Variants in SEL1L3 observed in about 807,000 individuals in gnomAD.
SEL1L3 encodes the protein protein sel-1 homolog 3.
SEL1L3 carries 76 observed loss-of-function variants against 142.8 expected under a neutral mutation model. The ratio of observed to expected loss-of-function variants is 0.53; its 90% confidence interval spans 0.44 to 0.64. The LOEUF is 0.64. Among genes scored for constraint, SEL1L3 ranks in the 30% least tolerant of loss-of-function variants. The pLI is 0.00. For missense variants in SEL1L3, 1,262 were observed against 1,381.7 expected (o/e 0.91, Z 1.37); for synonymous variants, 504 against 519.6 (o/e 0.97, Z 0.41).
chr4:25,847,777 T>G lies in SEL1L3; in HGVS notation c.250A>C (p.Ile84Leu). Reference sequence around the variant, plus strand: ...TTTCCTTCAAAGACAGTAAAATAAATAAAGTCTTTGTAAGCCACGCTCTGC... The same window carrying G: ...TTTCCTTCAAAGACAGTAAAATAAAGAAAGTCTTTGTAAGCCACGCTCTGC... Reference protein sequence around the residue: ...AEQSVAYKDFIYFTVFEGNVR... With the variant: ...AEQSVAYKDFLYFTVFEGNVR... The change falls in exon 2 of 24, where the codon ATT (isoleucine) becomes CTT (leucine). Residue 84 changes from isoleucine to leucine, a missense_variant. By Grantham distance (5) the Ile-to-Leu change is conservative (BLOSUM62 2). Around this residue, in one of 3 missense-constraint regions of SEL1L3, gnomAD observed 689 missense variants for 692.8 expected, o/e 0.99. Coordinates refer to ENST00000399878, the MANE Select transcript of SEL1L3 (RefSeq NM_015187.5). 1 of 1,613,482 alleles carries G rather than the reference T, an allele frequency of 6.2e-7. No homozygotes were observed. The highest frequency in any genetic ancestry group is 8.5e-7 in the Non-Finnish European group (1 of 1,179,734).
chr4:25,778,502 A>C (rs1719787961), intron 16 of SEL1L3, among the ~76,000 whole-genome samples: 1 of 152,212 alleles, frequency 6.6e-6, no homozygotes, highest in African/African-American at 2.4e-5. Flanking sequence ...AGAAAGGAAA[A>C]GTAATCAGAG....
At chr4:25,766,735 T>C (rs916253780) in intron 19 of SEL1L3, among the ~76,000 whole-genome samples, 1 of 152,022 alleles carries the variant, frequency 6.6e-6, no homozygotes, top group African/African-American at 2.4e-5. Context: ...ACCATGGAAA[T>C]GTAGCCACTG....
At chr4:25,777,955 T>A in intron 16 of SEL1L3, 1 of 420,652 alleles carries the variant, frequency 2.4e-6, no homozygotes, top group Admixed American at 2.8e-5. Context: ...CTGTTGCATA[T>A]TCTTCTTTAT....
At chr4:25,811,190 T>A (rs2109239831) in intron 9 of SEL1L3, among the ~76,000 whole-genome samples, 1 of 152,260 alleles carries the variant, frequency 6.6e-6, no homozygotes, top group Admixed American at 6.5e-5. Context: ...AACCTGTATA[T>A]CTCAGCAACT....
At chr4:25,808,388 A>G (rs1713745025) in intron 9 of SEL1L3, among the ~76,000 whole-genome samples, 1 of 152,256 alleles carries the variant, frequency 6.6e-6, no homozygotes, top group East Asian at 1.9e-4. Flanking sequence ...TTTTCACAGT[A>G]ATATCATAAG....
At chr4:25,760,268 T>C (rs62411784) in intron 20 of SEL1L3, among the ~76,000 whole-genome samples, 7,575 of 152,324 alleles carry the variant, frequency 0.05, 222 homozygotes, top group East Asian at 0.11. Flanking sequence ...TTTTTATGGC[T>C]GCATAGTATT....
In SEL1L3 at chr4:25,757,612, A is replaced by G; in HGVS notation, c.3187-6T>C. 1 of 1,554,388 alleles carries G rather than the reference A, an allele frequency of 6.4e-7. No individual in the cohort carries two copies. The highest frequency in any genetic ancestry group is 8.7e-7 in the Non-Finnish European group (1 of 1,148,506). On this transcript the variant is annotated splice_polypyrimidine_tract_variant and splice_region_variant and intron_variant, in intron 22 of 23. Coordinates refer to ENST00000399878, the MANE Select transcript of SEL1L3 (RefSeq NM_015187.5). ...AAGGTTCCCAGAAAGTAGATCTGCAAACATCAGAAGCACGCATTAGTGACT... is the reference window on the plus strand; with the variant it reads ...AAGGTTCCCAGAAAGTAGATCTGCAGACATCAGAAGCACGCATTAGTGACT...
At chr4:25,799,036 C>T (rs1712991964) in intron 11 of SEL1L3, among the ~76,000 whole-genome samples, 1 of 152,098 alleles carries the variant, frequency 6.6e-6, no homozygotes, top group African/African-American at 2.4e-5. Flanking sequence ...TTTCTGCATC[C>T]TCATGTGGTC....
chr4:25,770,250 T>C (rs567126663), intron 17 of SEL1L3: 1 of 152,310 alleles, frequency 6.6e-6, no homozygotes, highest in South Asian at 2.1e-4. Context: ...ATAAAGATAA[T>C]ATCTTGTGTC....
the SEL1L3 span, among the ~76,000 whole-genome samples, chr4:25,741,553 A>G: frequency 6.6e-6 from 1 of 152,036 alleles, no homozygotes; most frequent in Non-Finnish European, 1.5e-5. Context: ...CTGTGCTTTG[A>G]ATATTTTTTC....
chr4:25,846,124 G>A (rs978392121), intron 2 of SEL1L3, among the ~76,000 whole-genome samples: 1 of 152,296 alleles, frequency 6.6e-6, no homozygotes, highest in East Asian at 1.9e-4. Context: ...CCCCACTGAG[G>A]GGGCAGAAGA....
intron 23 of SEL1L3, among the ~76,000 whole-genome samples, chr4:25,749,882 C>T (rs1717474651): frequency 1.3e-5 from 2 of 152,076 alleles, no homozygotes; most frequent in African/African-American, 2.4e-5. Context: ...TAATATTTCG[C>T]GACATGTGAA....
chr4:25,856,125 C>T (rs1052824905), intron 1 of SEL1L3, among the ~76,000 whole-genome samples: 20 of 152,140 alleles, frequency 1.3e-4, no homozygotes, highest in Admixed American at 5.9e-4. Flanking sequence ...CATTCTAGAC[C>T]GTTTCCATTT....
chr4:25,819,921 T>G lies in SEL1L3; in HGVS notation c.1310A>C (p.Glu437Ala), dbSNP rs771163727. 8.1e-6 allele frequency: 13 copies of G among 1,610,434 alleles called. No homozygotes were observed. The highest frequency in any genetic ancestry group is 1.0e-5 in the Non-Finnish European group (12 of 1,178,698). ...HPAQIFNPLL[E>A]KQLAEQIKLY... is the part of the protein sequence containing the mutation. ...CTTGATTTGTTCAGCAAGTTGCTTCTCAAGGAGGGGATTAAAAATCTACAA... is the reference window on the plus strand; with the variant it reads ...CTTGATTTGTTCAGCAAGTTGCTTCGCAAGGAGGGGATTAAAAATCTACAA... The change falls in exon 8 of 24, where the codon GAG becomes GCG. Residue 437 changes from glutamate (E) to alanine (A), a missense_variant. Transcript: ENST00000399878.
chr4:25,857,029 C>A (rs551520823), intron 1 of SEL1L3, among the ~76,000 whole-genome samples: 73 of 152,236 alleles, frequency 4.8e-4, no homozygotes, highest in African/African-American at 1.7e-3. Flanking sequence ...ACCTTTCTGC[C>A]CCATTCTTCT....
chr4:25,819,772 G>C (rs1414975059), intron 8 of SEL1L3, 36 bp downstream of exon 8: 1 of 1,581,092 alleles, frequency 6.3e-7, no homozygotes, highest in East Asian at 2.3e-5. Flanking sequence ...TAAATGCACA[G>C]AGCTTAAAAC....
chr4:25,760,943 T>A (rs1718333380), intron 20 of SEL1L3, among the ~76,000 whole-genome samples: 1 of 152,124 alleles, frequency 6.6e-6, no homozygotes, highest in African/African-American at 2.4e-5. Flanking sequence ...TTGCCCAAGG[T>A]TACACAGCTG....
At chr4:25,759,276 A>G in intron 20 of SEL1L3, 1 of 537,624 alleles carries the variant, frequency 1.9e-6, no homozygotes, top group Admixed American at 3.3e-5. Flanking sequence ...GGCTTTCAGA[A>G]GCTGCTGTGT....
At chr4:25,763,555 T>TA (rs1718521142) in intron 20 of SEL1L3, among the ~76,000 whole-genome samples, 1 of 151,312 alleles carries the variant, frequency 6.6e-6, no homozygotes, top group Non-Finnish European at 1.5e-5. Context: ...AAAATAAAAA[T>TA]AGAAAAGATT....
Sources: allele counts gnomAD v4.1 joint callset (sites outside exome capture counted in the v4.1 genomes callset), GRCh38; gene constraint gnomAD v4.1.1; regional missense constraint gnomAD v4.1.1; transcripts MANE v1.5; gene names NCBI Gene and HGNC (gene_info 2026-07-23, HGNC 2026-07-21).